The following MPP4 variants were observed in gnomAD, a reference collection of about 807,000 sequenced individuals.
The protein encoded by MPP4 is MAGUK p55 subfamily member 4.
Under a neutral mutation model 98.3 loss-of-function variants are expected in MPP4, and 91 were observed. The observed-to-expected ratio is 0.93, with a 90% CI of 0.78 to 1.10. The LOEUF is 1.10. MPP4 is among the 50% of genes least tolerant of loss of function. MPP4 has a pLI of 0.00. For synonymous variants in MPP4, 261 were observed against 271.8 expected (o/e 0.96, Z 0.39); for missense variants, 744 against 792.9 (o/e 0.94, Z 0.74).
rs892935749 is a variant in MPP4 at position 201,675,789 on chromosome 2, C to T, written c.930-518G>A. ...TTGACTTGTTCCTCTTCCCTTGAGT[C>T]CCCCAGCAATTTCTTTGGGCAGGTT... On this transcript the variant is annotated intron_variant, in intron 10 of 21. Coordinates refer to ENST00000409474, the MANE Select transcript of MPP4 (RefSeq NM_033066.3). Among the ~76,000 whole-genome samples the T allele has an allele frequency of 2.0e-4, 30 of 152,194 alleles. 2 individuals carry two copies. Among genetic ancestry groups the T allele is most frequent in the Admixed American group, 2.0e-3 (30 of 15,280 alleles).
chr2:201,680,562 G>A (rs73989536), intron 10 of MPP4: 1 of 358,004 alleles, frequency 2.8e-6, no homozygotes, highest in African/African-American at 2.0e-5. Context: ...ATTTTGGAGA[G>A]GACACAAACA....
chr2:201,678,192 T>A (rs112457993), intron 10 of MPP4, among the ~76,000 whole-genome samples: 1,940 of 152,070 alleles, frequency 0.013, 44 homozygotes, highest in African/African-American at 0.044. Context: ...CATAATTGGG[T>A]TTTGTGTGCT....
intron 18 of MPP4, among the ~76,000 whole-genome samples, chr2:201,652,369 G>A (rs929026477): frequency 6.6e-6 from 1 of 152,172 alleles, no homozygotes; most frequent in South Asian, 2.1e-4. Flanking sequence ...TGAGGCAGGA[G>A]AATCACTTGA....
At position 201,693,028 on chromosome 2, in the gene MPP4, G is replaced by C. The variant is rs970959372; in HGVS notation, c.81C>G (p.Gly27=). The C allele has an allele frequency of 5.6e-6, 9 of 1,611,418 alleles. No individual in the cohort carries two copies. Among genetic ancestry groups the C allele is most frequent in the Non-Finnish European group, 7.6e-6 (9 of 1,178,942 alleles). Residue 27 remains glycine, a splice_region_variant and synonymous_variant, in exon 3 of 22, where the codon GGC becomes GGG. Transcript: ENST00000409474. ...KLSTATNPQN[G]LSQILRLVLQ... The stretch of plus-strand genomic sequence containing the variant: ...GCACAAGCCTCAGGATCTGGGAGAG[G>C]CCTAGGAAAGGAAGAGAGCAGAGAT...
chr2:201,681,683 G>GCCTT (rs1297382166), intron 8 of MPP4, 116 bp from the exon 9 acceptor site: 6 of 767,478 alleles, frequency 7.8e-6, no homozygotes, highest in Non-Finnish European at 1.3e-5. Context: ...TCCCCCAAGA[G>GCCTT]CCTTTCACAA....
At chr2:201,677,743 C>T (rs113578576) in intron 10 of MPP4, among the ~76,000 whole-genome samples, 19 of 152,204 alleles carry the variant, frequency 1.2e-4, no homozygotes, top group Admixed American at 3.9e-4. Context: ...AGGGCAGAGC[C>T]GGGGAATCCG....
intron 1 of MPP4, among the ~76,000 whole-genome samples, chr2:201,698,253 A>C (rs1301418638): frequency 6.6e-6 from 1 of 152,188 alleles, no homozygotes; most frequent in African/African-American, 2.4e-5. Context: ...AACCCTAAAA[A>C]AGCACTTGGA....
chr2:201,668,638 C>T (rs543431012), intron 12 of MPP4, among the ~76,000 whole-genome samples: 7 of 152,306 alleles, frequency 4.6e-5, no homozygotes, highest in African/African-American at 1.7e-4. Context: ...TCTTAGACTT[C>T]CAGCCTCCAG....
intron 10 of MPP4, chr2:201,680,507 C>T (rs4675218): frequency 0.37 from 72,771 of 198,756 alleles, 14,740 homozygotes; most frequent in Middle Eastern, 0.48. Context: ...CTAAAGGCCC[C>T]GCCTCTTAAT....
chr2:201,650,008 A>T, intron 19 of MPP4, 64 bp downstream of exon 19: 1 of 1,426,620 alleles, frequency 7.0e-7, no homozygotes, highest in South Asian at 1.3e-5. Flanking sequence ...ACATAAAAAT[A>T]GGGAATCTAT....
At chr2:201,654,528 A>G (rs1277154945) in intron 18 of MPP4, among the ~76,000 whole-genome samples, 1 of 152,160 alleles carries the variant, frequency 6.6e-6, no homozygotes, top group East Asian at 1.9e-4. Flanking sequence ...CTAAATGACG[A>G]GTTAATCGGT....
intron 14 of MPP4, among the ~76,000 whole-genome samples, chr2:201,662,908 C>T (rs1219458009): frequency 6.6e-6 from 1 of 152,068 alleles, no homozygotes; most frequent in Non-Finnish European, 1.5e-5. Flanking sequence ...AAATAAAATT[C>T]TGTGGGGCCT....
intron 14 of MPP4, 41 bp downstream of exon 14, chr2:201,664,040 T>C: frequency 7.2e-7 from 1 of 1,391,228 alleles, no homozygotes; most frequent in South Asian, 1.3e-5. Flanking sequence ...ATTTAGAATA[T>C]ACATTTAAAA....
At chr2:201,679,642 T>C (rs1271672656) in intron 10 of MPP4, among the ~76,000 whole-genome samples, 2 of 152,196 alleles carry the variant, frequency 1.3e-5, no homozygotes, top group Non-Finnish European at 1.5e-5. Context: ...TCCTACCGCC[T>C]GCTCAAAGAC....
intron 3 of MPP4, among the ~76,000 whole-genome samples, chr2:201,691,013 C>A (rs187239102): frequency 2.0e-5 from 3 of 152,316 alleles, no homozygotes; most frequent in East Asian, 1.9e-4. Flanking sequence ...GCTGAGCCCC[C>A]AGTCTTTTCT....
chr2:201,681,345 C>T (rs1048718259), intron 9 of MPP4, 151 bp downstream of exon 9: 15 of 698,276 alleles, frequency 2.1e-5, no homozygotes, highest in Non-Finnish European at 9.9e-6. Flanking sequence ...ACTTATTTTG[C>T]TTCTCGGGCC....
intron 2 of MPP4, 146 bp downstream of exon 2, chr2:201,693,730 C>G: frequency 3.4e-6 from 3 of 888,150 alleles, no homozygotes; most frequent in Non-Finnish European, 5.4e-6. Context: ...AAAGTTATCA[C>G]TGGTAGGGCA....
chr2:201,662,590 A>G (rs1362068641), intron 14 of MPP4, among the ~76,000 whole-genome samples: 1 of 151,692 alleles, frequency 6.6e-6, no homozygotes, highest in African/African-American at 2.4e-5. Flanking sequence ...CTAGATGCTT[A>G]TATTAATATT....
At chr2:201,698,035 C>A (rs540129729) in intron 1 of MPP4, 3 of 985,598 alleles carry the variant, frequency 3.0e-6, no homozygotes, top group South Asian at 9.4e-5. Context: ...TAAGTAAGCA[C>A]CCACCACATG....
Sources: gnomAD v4.1 joint callset for allele counts (sites outside exome capture counted in the v4.1 genomes callset) on GRCh38, gnomAD v4.1.1 for gene constraint, MANE v1.5 for transcripts, NCBI Gene and HGNC (gene_info 2026-07-23, HGNC 2026-07-21) for gene names.